The following SGCD variants were observed in gnomAD, a reference collection of about 807,000 sequenced individuals.
SGCD encodes sarcoglycan delta, also known as delta-sarcoglycan.
In SGCD, 18 loss-of-function variants were observed where a neutral mutation model predicts 36.6. That is an observed-to-expected ratio of 0.49 (90% CI 0.34 to 0.73). SGCD has a LOEUF of 0.73. Ranked by LOEUF, SGCD falls within the 30% of genes least tolerant of loss-of-function variation. The pLI is 0.01. For missense variants in SGCD, 387 were observed against 346.7 expected, an observed-to-expected ratio of 1.12 and a Z score of -0.92; for synonymous variants, 133 against 130.6, an observed-to-expected ratio of 1.02 and a Z score of -0.12.
chr5:156,075,753 A>G (rs965220738), intron 1 of SGCD, among the ~76,000 whole-genome samples: 4 of 152,204 alleles, frequency 2.6e-5, no homozygotes, highest in African/African-American at 9.6e-5. Flanking sequence ...ACAATACAGA[A>G]GTGTTTGATA....
At chr5:156,425,406 CT>C (rs1290832072) in intron 3 of SGCD, among the ~76,000 whole-genome samples, 1 of 152,034 alleles carries the variant, frequency 6.6e-6, no homozygotes, top group African/African-American at 2.4e-5. Flanking sequence ...TTAATAATTT[CT>C]TTCTTTGCTG....
chr5:156,586,118 C>A (rs1185671589), intron 4 of SGCD, among the ~76,000 whole-genome samples: 1 of 151,530 alleles, frequency 6.6e-6, no homozygotes, highest in Non-Finnish European at 1.5e-5. Context: ...ATCCCGGAAA[C>A]CACCTTATGT....
At chr5:155,912,214 C>T (rs941322747) in intron 1 of SGCD, among the ~76,000 whole-genome samples, 2 of 151,968 alleles carry the variant, frequency 1.3e-5, no homozygotes, top group African/African-American at 2.4e-5. Flanking sequence ...TGGAACCCCA[C>T]GTGTGCTCAA....
intron 1 of SGCD, among the ~76,000 whole-genome samples, chr5:156,101,379 G>A (rs1397661315): frequency 1.3e-5 from 2 of 152,162 alleles, no homozygotes; most frequent in Non-Finnish European, 2.9e-5. Context: ...ATTTCTTGTA[G>A]GTTCCTTACC....
chr5:156,077,500 A>C (rs1304347722), intron 1 of SGCD, among the ~76,000 whole-genome samples: 2 of 152,148 alleles, frequency 1.3e-5, no homozygotes, highest in Non-Finnish European at 2.9e-5. Flanking sequence ...CTCAGAGTCC[A>C]GGGTGGTAGA....
intron 3 of SGCD, chr5:156,458,381 CA>C: frequency 6.6e-7 from 1 of 1,507,254 alleles, no homozygotes; most frequent in Non-Finnish European, 9.2e-7. Flanking sequence ...TTGCTTTTAC[CA>C]AAAAGGAAAA....
At chr5:155,927,937 T>G (rs1427723124) in intron 1 of SGCD, among the ~76,000 whole-genome samples, 1 of 152,204 alleles carries the variant, frequency 6.6e-6, no homozygotes, top group East Asian at 1.9e-4. Context: ...TTTTCTACTT[T>G]GAACTTGAAT....
chr5:155,906,605 C>A (rs1198017269), intron 1 of SGCD, among the ~76,000 whole-genome samples: 2 of 152,150 alleles, frequency 1.3e-5, no homozygotes, highest in Non-Finnish European at 2.9e-5. Context: ...AAGATGAAAC[C>A]AGCCACAACA....
intron 4 of SGCD, among the ~76,000 whole-genome samples, chr5:156,553,508 A>G (rs912629126): frequency 1.3e-5 from 2 of 152,060 alleles, no homozygotes; most frequent in African/African-American, 4.8e-5. Context: ...AATACACTTC[A>G]GTGGTTTTTC....
chr5:156,594,898 CCTCTCTA>C, intron 5 of SGCD, 27 bp from the exon 6 acceptor site: 2 of 1,414,206 alleles, frequency 1.4e-6, no homozygotes, highest in Non-Finnish European at 2.0e-6. Context: ...TCTCCTCTCT[CCTCTCTA>C]TCTCTCTATC....
chr5:156,495,644 C>T (rs1184040001), intron 3 of SGCD, among the ~76,000 whole-genome samples: 1 of 152,174 alleles, frequency 6.6e-6, no homozygotes, highest in Non-Finnish European at 1.5e-5. Context: ...GGGAAGCACT[C>T]ACCCAGCAGC....
chr5:156,155,373 G>A (rs1055379221), intron 3 of SGCD, among the ~76,000 whole-genome samples: 23 of 151,538 alleles, frequency 1.5e-4, no homozygotes, highest in Non-Finnish European at 2.8e-4. Context: ...GAGTGGTGCC[G>A]TGTTGCCAGA....
At chr5:156,519,336 A>G (rs1757311768) in intron 4 of SGCD, among the ~76,000 whole-genome samples, 2 of 152,172 alleles carry the variant, frequency 1.3e-5, no homozygotes, top group South Asian at 4.2e-4. Flanking sequence ...TTGAGGCAGT[A>G]AAAGCCTACC....
intron 1 of SGCD, among the ~76,000 whole-genome samples, chr5:156,079,625 A>G (rs772885502): frequency 2.0e-5 from 3 of 152,262 alleles, no homozygotes; most frequent in Non-Finnish European, 2.9e-5. Context: ...GCTCCATGAG[A>G]GTTCAAAACC....
the SGCD span, among the ~76,000 whole-genome samples, chr5:155,743,895 C>T: frequency 2.0e-5 from 3 of 152,278 alleles, no homozygotes; most frequent in Non-Finnish European, 2.9e-5. Flanking sequence ...GAAATCTGAA[C>T]CCAAGATTCC....
At chr5:156,665,180 C>G (rs961192171) in intron 7 of SGCD, among the ~76,000 whole-genome samples, 1 of 152,206 alleles carries the variant, frequency 6.6e-6, no homozygotes, top group South Asian at 2.1e-4. Flanking sequence ...TTTTCTTTAA[C>G]CTGCTTTTGA....
chr5:156,698,272 A>G (rs1433326160), intron 7 of SGCD, among the ~76,000 whole-genome samples: 1 of 152,182 alleles, frequency 6.6e-6, no homozygotes, highest in African/African-American at 2.4e-5. Context: ...ACAGAATAAG[A>G]ACTTATTTAC....
chr5:156,682,691 A>C (rs1753765314), intron 7 of SGCD, among the ~76,000 whole-genome samples: 1 of 152,236 alleles, frequency 6.6e-6, no homozygotes, highest in South Asian at 2.1e-4. Context: ...CTAACTGTGA[A>C]GAGAGATGGA....
At chr5:155,766,631 T>A in the SGCD span, among the ~76,000 whole-genome samples, 13,953 of 152,198 alleles carry the variant, frequency 0.092, 801 homozygotes, top group South Asian at 0.2. Flanking sequence ...ACTTTCATGA[T>A]TATGTCCCTT....
Sources: gnomAD v4.1 joint callset for allele counts (sites outside exome capture counted in the v4.1 genomes callset) on GRCh38, gnomAD v4.1.1 for gene constraint, MANE v1.5 for transcripts, NCBI Gene and HGNC (gene_info 2026-07-23, HGNC 2026-07-21) for gene names.